Variants in AGBL4 observed in about 807,000 individuals in gnomAD.
AGBL4 encodes the protein cytosolic carboxypeptidase 6.
Under a neutral mutation model 66.4 loss-of-function variants are expected in AGBL4, and 58 were observed. The observed-to-expected ratio is 0.87, with a 90% CI of 0.71 to 1.09. The LOEUF (loss-of-function observed/expected upper bound fraction) is 1.09, where lower values mean the gene tolerates loss of function less well. Ranked by LOEUF, AGBL4 falls within the 50% of genes least tolerant of loss-of-function variation. The probability of loss-of-function intolerance (pLI) is 0.00; values close to 1 mark genes in which losing one functional copy is unlikely to be tolerated. For synonymous variants in AGBL4, 234 were observed against 222.9 expected (o/e 1.05, Z -0.44); for missense variants, 579 against 631.0 (o/e 0.92, Z 0.88).
At chr1:49,639,121 T>A (rs924149803) in intron 3 of AGBL4, among the ~76,000 whole-genome samples, 2 of 152,022 alleles carry the variant, frequency 1.3e-5, no homozygotes, top group African/African-American at 2.4e-5. Flanking sequence ...TGGAAACACA[T>A]CCCTGTGAAG....
At chr1:49,207,743 A>T (rs931457548) in intron 4 of AGBL4, among the ~76,000 whole-genome samples, 3 of 150,728 alleles carry the variant, frequency 2.0e-5, no homozygotes, top group Admixed American at 6.6e-5. Flanking sequence ...AGCACATACC[A>T]CCATGGCTGG....
intron 5 of AGBL4, among the ~76,000 whole-genome samples, chr1:48,933,769 A>G (rs1655227217): frequency 6.6e-6 from 1 of 152,212 alleles, no homozygotes; most frequent in African/African-American, 2.4e-5. Context: ...AACATACCAC[A>G]CACATTAACT....
intron 3 of AGBL4, among the ~76,000 whole-genome samples, chr1:49,394,675 G>T (rs925260455): frequency 9.2e-5 from 14 of 152,108 alleles, no homozygotes; most frequent in Admixed American, 8.5e-4. Flanking sequence ...AGATATATTT[G>T]GTGCAAGCAA....
At chr1:48,847,221 A>G (rs1281918840) in intron 6 of AGBL4, among the ~76,000 whole-genome samples, 2 of 152,108 alleles carry the variant, frequency 1.3e-5, no homozygotes, top group Non-Finnish European at 1.5e-5. Flanking sequence ...AATCACTTGA[A>G]CCCAGGAAGC....
chr1:48,823,894 C>T (rs1558019969), intron 6 of AGBL4, among the ~76,000 whole-genome samples: 1 of 152,126 alleles, frequency 6.6e-6, no homozygotes, highest in Non-Finnish European at 1.5e-5. Flanking sequence ...TTAGTTTTGG[C>T]ATCTGTAGAA....
intron 3 of AGBL4, among the ~76,000 whole-genome samples, chr1:49,601,339 T>A (rs569146472): frequency 7.6e-4 from 116 of 152,310 alleles, no homozygotes; most frequent in African/African-American, 2.7e-3. Flanking sequence ...TTCATTCTTT[T>A]TTTTTTCTAA....
rs569614937 is a variant in AGBL4 at position 49,931,620 on chromosome 1, T to C, written c.35-80102A>G. 2.6e-5 allele frequency among the ~76,000 whole-genome samples: 4 copies of C among 152,070 alleles called. No individual in the cohort carries two copies. In the East Asian group the frequency reaches 5.8e-4, roughly 22 times the overall value. On this transcript the variant is annotated intron_variant, in intron 1 of 13. Transcript: ENST00000371839. Reference sequence around the variant, plus strand: ...CCCATCAGGTCCCTCCCTCAACACATGGGGAATGCAATTTGAGATGAGATT... The same window carrying C: ...CCCATCAGGTCCCTCCCTCAACACACGGGGAATGCAATTTGAGATGAGATT...
chr1:48,978,635 T>C (rs189041406), intron 5 of AGBL4, among the ~76,000 whole-genome samples: 50 of 152,296 alleles, frequency 3.3e-4, no homozygotes, highest in Admixed American at 2.9e-3. Flanking sequence ...CTTCCTGCAA[T>C]TGTCCCTGAG....
At chr1:48,785,990 T>C (rs575930727) in intron 6 of AGBL4, among the ~76,000 whole-genome samples, 1 of 151,484 alleles carries the variant, frequency 6.6e-6, no homozygotes, top group African/African-American at 2.4e-5. Flanking sequence ...CAAGTCCTCA[T>C]AGGGCCAGAG....
chr1:49,191,209 C>G (rs935453488), intron 4 of AGBL4, among the ~76,000 whole-genome samples: 1 of 152,190 alleles, frequency 6.6e-6, no homozygotes, highest in African/African-American at 2.4e-5. Context: ...TCTCCACTTA[C>G]AAAACATTCT....
At chr1:49,590,526 A>G (rs1036180374) in intron 3 of AGBL4, among the ~76,000 whole-genome samples, 1 of 152,090 alleles carries the variant, frequency 6.6e-6, no homozygotes, top group African/African-American at 2.4e-5. Context: ...GTCTCGAGGT[A>G]GAAAACATCA....
chr1:49,893,948 T>G (rs1648921001), intron 1 of AGBL4, among the ~76,000 whole-genome samples: 1 of 152,140 alleles, frequency 6.6e-6, no homozygotes, highest in African/African-American at 2.4e-5. Context: ...TAGGTCTCAC[T>G]CAGCACACTC....
Position 49,998,161 on chromosome 1 carries a change from T to C in AGBL4, c.34+25602A>G, listed in dbSNP as rs558304239. Among the ~76,000 whole-genome samples the C allele has an allele frequency of 6.6e-5, 10 of 151,670 alleles. No individual in the cohort carries two copies. In the South Asian group the frequency reaches 8.3e-4, roughly 13 times the overall value. On this transcript the variant is annotated intron_variant, in intron 1 of 13. Coordinates refer to ENST00000371839, the MANE Select transcript of AGBL4 (RefSeq NM_032785.4). ...TAAGTGAAACAAAAAGCAGATTCTT[T>C]GAAAATATAAATGAAATTGATTATT... is the stretch of plus-strand genomic sequence containing the variant.
intron 3 of AGBL4, among the ~76,000 whole-genome samples, chr1:49,564,992 T>A (rs548120408): frequency 6.6e-6 from 1 of 152,352 alleles, no homozygotes; most frequent in African/African-American, 2.4e-5. Flanking sequence ...TGGGTGCTCC[T>A]GTATTGGGTG....
At chr1:49,208,294 C>G (rs1648399182) in intron 4 of AGBL4, among the ~76,000 whole-genome samples, 1 of 152,048 alleles carries the variant, frequency 6.6e-6, no homozygotes, top group South Asian at 2.1e-4. Flanking sequence ...TACTGTCACA[C>G]TAAAAATTGA....
intron 3 of AGBL4, among the ~76,000 whole-genome samples, chr1:49,661,845 G>A (rs1479140700): frequency 6.6e-6 from 1 of 151,970 alleles, no homozygotes; most frequent in Non-Finnish European, 1.5e-5. Context: ...TTACCCAAGA[G>A]AAACAAAGTC....
intron 11 of AGBL4, among the ~76,000 whole-genome samples, chr1:48,575,781 C>T (rs1294421231): frequency 2.0e-5 from 3 of 152,198 alleles, no homozygotes; most frequent in Admixed American, 2.0e-4. Flanking sequence ...TCCTGTGTTC[C>T]CATCTGTCAC....
chr1:49,553,218 G>A (rs1014386377), intron 3 of AGBL4, among the ~76,000 whole-genome samples: 3 of 152,124 alleles, frequency 2.0e-5, no homozygotes, highest in South Asian at 2.1e-4. Flanking sequence ...TAGATTGTAC[G>A]ATGGCTTAAC....
chr1:48,645,554 TGAG>T (rs1211079432), intron 8 of AGBL4, among the ~76,000 whole-genome samples: 1 of 152,230 alleles, frequency 6.6e-6, no homozygotes, highest in Non-Finnish European at 1.5e-5. Context: ...GTCCCCAGAA[TGAG>T]GCTTCTGATG....
Sources: allele counts gnomAD v4.1 joint callset (sites outside exome capture counted in the v4.1 genomes callset), GRCh38; gene constraint gnomAD v4.1.1; transcripts MANE v1.5; gene names NCBI Gene and HGNC (gene_info 2026-07-23, HGNC 2026-07-21).